The following PCDHGA10 variants were observed in gnomAD, a reference collection of about 807,000 sequenced individuals.
PCDHGA10 encodes protocadherin gamma-A10.
PCDHGA10 carries 42 observed loss-of-function variants against 59.5 expected under a neutral mutation model. The observed-to-expected ratio is 0.71, with a 90% CI of 0.55 to 0.91. The LOEUF is 0.91. Among genes scored for constraint, PCDHGA10 ranks in the 40% least tolerant of loss-of-function variants. The pLI, the probability that PCDHGA10 is intolerant of heterozygous loss-of-function variation, is 0.00. For synonymous variants in PCDHGA10, 511 were observed against 517.2 expected (o/e 0.99, Z 0.16); for missense variants, 1,111 against 1,198.2 (o/e 0.93, Z 1.07).
Position 141,431,041 on chromosome 5 carries a change from G to C in PCDHGA10, c.2436+15430G>C, listed in dbSNP as rs2097339173. On this transcript the variant is annotated intron_variant, in intron 1 of 3. Coordinates refer to ENST00000398610, the MANE Select transcript of PCDHGA10 (RefSeq NM_018913.3). The surrounding 1 kb of genome is among the most constrained non-coding windows in gnomAD (Gnocchi z 4.8). ...CGGCGGGCAGGATAGACCGGGAGGA[G>C]CTCTGTATGGGGGCCATCAAGTGTC... The C allele has an allele frequency of 6.2e-7, 1 of 1,614,116 alleles. No homozygotes were observed. Among genetic ancestry groups the C allele is most frequent in the Non-Finnish European group, 8.5e-7 (1 of 1,180,046 alleles).
chr5:141,464,707 A>G (rs1052234067), intron 1 of PCDHGA10, among the ~76,000 whole-genome samples: 13 of 152,112 alleles, frequency 8.5e-5, no homozygotes, highest in African/African-American at 3.1e-4. Flanking sequence ...ATGAGGTTAA[A>G]TAGTTTTTCA....
chr5:141,422,030 C>G, intron 1 of PCDHGA10: 1 of 1,609,592 alleles, frequency 6.2e-7, no homozygotes, highest in African/African-American at 1.3e-5. Flanking sequence ...GTTAATGCAA[C>G]GGATCCAGAC....
intron 1 of PCDHGA10, among the ~76,000 whole-genome samples, chr5:141,472,980 C>CAAAAA (rs60579131): frequency 1.7e-4 from 15 of 86,092 alleles, no homozygotes; most frequent in East Asian, 4.1e-4. Context: ...GAGTGAAACT[C>CAAAAA]AAAAAAAAAA....
Position 141,415,427 on chromosome 5 carries a change from G to C in PCDHGA10, c.2252G>C (p.Arg751Pro). ...CACTTTGTGGGCGTGGACGGGGTTC[G>C]GGCTTTCCTGCAGACCTATTCCCAC... ...GSHFVGVDGV[R>P]AFLQTYSHEV... Residue 751 changes from arginine (R) to proline (P), a missense_variant, in exon 1 of 4, where the codon CGG becomes CCG. Arg to Pro is a moderately radical substitution (Grantham distance 103). Coordinates refer to ENST00000398610, the MANE Select transcript of PCDHGA10 (RefSeq NM_018913.3). 3 of 1,614,188 alleles carry C rather than the reference G, an allele frequency of 1.9e-6. No homozygotes were observed. Among genetic ancestry groups the C allele is most frequent in the Non-Finnish European group, 2.5e-6 (3 of 1,180,044 alleles).
rs766042374 is a variant in PCDHGA10 at position 141,418,520 on chromosome 5, C to A, written c.2436+2909C>A. ...GACCGCCTTAGATGGTGGGGACCCTCCCCGAAGCGGTACTGCTCAGATAAG... is the reference window on the plus strand; with the variant it reads ...GACCGCCTTAGATGGTGGGGACCCTACCCGAAGCGGTACTGCTCAGATAAG... On this transcript the variant is annotated intron_variant, in intron 1 of 3. Transcript: ENST00000398610. 6 of 1,613,818 alleles carry A rather than the reference C, an allele frequency of 3.7e-6. No individual in the cohort carries two copies. The highest frequency in any genetic ancestry group is 5.1e-6 in the Non-Finnish European group (6 of 1,179,890).
At chr5:141,495,814 T>C (rs2099764028) in intron 2 of PCDHGA10, among the ~76,000 whole-genome samples, 1 of 152,134 alleles carries the variant, frequency 6.6e-6, no homozygotes, top group Non-Finnish European at 1.5e-5. Context: ...TCCTAGCGCC[T>C]TGTGTTCTTC....
At chr5:141,428,041 TG>T (rs1260865435) in intron 1 of PCDHGA10, 1 of 1,608,448 alleles carries the variant, frequency 6.2e-7, no homozygotes, top group African/African-American at 1.3e-5. Flanking sequence ...GGCTACCTGG[TG>T]ACCAAGGTGG....
At position 141,505,390 on chromosome 5, in the gene PCDHGA10, C is replaced by T; in HGVS notation, c.2496-3C>T. On this transcript the variant is annotated splice_polypyrimidine_tract_variant and splice_region_variant and intron_variant, in intron 2 of 3. Coordinates refer to ENST00000398610, the MANE Select transcript of PCDHGA10 (RefSeq NM_018913.3). ...TGTGCTCACCATCCTACTCTCTCCCCAGCTCCCAAAATGGCGATGACACCG... is the reference window on the plus strand; with the variant it reads ...TGTGCTCACCATCCTACTCTCTCCCTAGCTCCCAAAATGGCGATGACACCG... The T allele has an allele frequency of 6.2e-7, 1 of 1,614,130 alleles. No individual in the cohort carries two copies.
rs767521224 is a variant in PCDHGA10 at position 141,431,148 on chromosome 5, C to T, written c.2436+15537C>T. 3.7e-6 allele frequency: 6 copies of T among 1,614,146 alleles called. No homozygotes were observed. Among genetic ancestry groups the T allele is most frequent in the Admixed American group, 1.7e-5 (1 of 60,030 alleles). On this transcript the variant is annotated intron_variant, in intron 1 of 3. Coordinates refer to ENST00000398610, the MANE Select transcript of PCDHGA10 (RefSeq NM_018913.3). The surrounding 1 kb of genome is among the most constrained non-coding windows in gnomAD (Gnocchi z 4.8). Reference sequence around the variant, plus strand: ...GAAGTAAGGGACATTAACGACAATGCGCCTTACTTTCGTGAAAGTGAATTA... The same window carrying T: ...GAAGTAAGGGACATTAACGACAATGTGCCTTACTTTCGTGAAAGTGAATTA...
At chr5:141,495,392 G>A (rs2099760968) in intron 2 of PCDHGA10, among the ~76,000 whole-genome samples, 2 of 152,186 alleles carry the variant, frequency 1.3e-5, no homozygotes, top group Non-Finnish European at 2.9e-5. Context: ...GGCGGGGCAT[G>A]GAGCAGGCCC....
At chr5:141,473,902 G>C (rs1593464039) in intron 1 of PCDHGA10, among the ~76,000 whole-genome samples, 1 of 152,240 alleles carries the variant, frequency 6.6e-6, no homozygotes, top group South Asian at 2.1e-4. Context: ...GGTTCATGAA[G>C]AGGTCTTAAG....
chr5:141,413,020 C>G lies in PCDHGA10; in HGVS notation c.-156C>G. On this transcript the variant is annotated 5_prime_UTR_variant, in exon 1 of 4. Transcript: ENST00000398610. ...TTCTCAGGGCTTCAACTACACAAGC[C>G]CCACAAACCGGCTGCTGGGCTGCAG... is the stretch of plus-strand genomic sequence containing the variant. 1.0e-5 allele frequency: 7 copies of G among 693,768 alleles called. No homozygotes were observed. Among genetic ancestry groups the G allele is most frequent in the Non-Finnish European group, 1.4e-5 (6 of 435,150 alleles). 43.0% of individuals were successfully genotyped at this position (693,768 alleles called of 1,614,324 possible). A position where few individuals can be genotyped will look rare whatever the true frequency, so the allele number is the denominator to read the frequency against.
chr5:141,477,775 G>T lies in PCDHGA10; in HGVS notation c.2437-17032G>T. 2 of 1,614,046 alleles carry T rather than the reference G, an allele frequency of 1.2e-6. No individual in the cohort carries two copies. The highest frequency in any genetic ancestry group is 2.7e-5 in the African/African-American group (2 of 75,052). On this transcript the variant is annotated intron_variant, in intron 1 of 3. Transcript: ENST00000398610. The surrounding 1 kb of genome is among the most constrained non-coding windows in gnomAD (Gnocchi z 4.9). ...CGGTCCTAGCCACCAACATCAGCGT[G>T]AACATATTTGTCACTGATCGCAATG...
intron 1 of PCDHGA10, among the ~76,000 whole-genome samples, chr5:141,474,379 T>A (rs1451968368): frequency 6.6e-6 from 1 of 152,208 alleles, no homozygotes; most frequent in Non-Finnish European, 1.5e-5. Flanking sequence ...GAGGAGGGCA[T>A]TTCTGCATTT....
At chr5:141,504,594 C>T (rs2099839378) in intron 2 of PCDHGA10, among the ~76,000 whole-genome samples, 2 of 140,288 alleles carry the variant, frequency 1.4e-5, no homozygotes, top group South Asian at 4.4e-4. Context: ...GGATTCACAG[C>T]AAGAGGGAAC....
chr5:141,498,725 A>AGT (rs2099785409), intron 2 of PCDHGA10, among the ~76,000 whole-genome samples: 1 of 152,150 alleles, frequency 6.6e-6, no homozygotes, highest in Non-Finnish European at 1.5e-5. Flanking sequence ...TGAGGTCAGG[A>AGT]GTTTGAGACC....
rs758417744 is a variant in PCDHGA10, at chr5:141,430,916, G to A, written c.2436+15305G>A. On this transcript the variant is annotated intron_variant, in intron 1 of 3. Coordinates refer to ENST00000398610, the MANE Select transcript of PCDHGA10 (RefSeq NM_018913.3). ...GGTGGGCGACATCTCCAGGGACCTG[G>A]GGCTGGAGCCCCGGGAGCTCGCGGA... The A allele has an allele frequency of 1.9e-6, 3 of 1,607,878 alleles. No individual in the cohort carries two copies. The East Asian group carries it at 6.7e-5, about 36-fold the overall frequency.
At chr5:141,479,986 C>T (rs2099510881) in intron 1 of PCDHGA10, among the ~76,000 whole-genome samples, 1 of 152,200 alleles carries the variant, frequency 6.6e-6, no homozygotes, top group Non-Finnish European at 1.5e-5. Flanking sequence ...CATTTACCAA[C>T]TAGGAGTCTG....
At chr5:141,461,409 A>G (rs572412049) in intron 1 of PCDHGA10, among the ~76,000 whole-genome samples, 1 of 151,928 alleles carries the variant, frequency 6.6e-6, no homozygotes, top group East Asian at 1.9e-4. Flanking sequence ...GCATTTTTTC[A>G]TATGTTTGTG....
Sources: gnomAD v4.1 joint callset for allele counts (sites outside exome capture counted in the v4.1 genomes callset) on GRCh38, gnomAD v4.1.1 for gene constraint, Gnocchi (gnomAD v3.1) non-coding constraint, MANE v1.5 for transcripts, NCBI Gene and HGNC (gene_info 2026-07-23, HGNC 2026-07-21) for gene names.